Variants in NDFIP2 observed in about 807,000 individuals in gnomAD.
NDFIP2 encodes Nedd4 family interacting protein 2.
A neutral mutation model predicts 36.0 loss-of-function variants in NDFIP2; 19 were observed. The ratio of observed to expected loss-of-function variants is 0.53; its 90% CI spans 0.37 to 0.77. NDFIP2 has a LOEUF of 0.77. Ranked by LOEUF, NDFIP2 falls within the 30% of genes least tolerant of loss-of-function variation. The pLI is 0.00. For synonymous variants in NDFIP2, 181 were observed against 167.7 expected (o/e 1.08, Z -0.61); for missense variants, 446 against 435.8 (o/e 1.02, Z -0.21).
chr13:79,490,219 ACTGGTGAGCTGAGGTGTCAGGCCC>A, intron 1 of NDFIP2, among the ~76,000 whole-genome samples: 3 of 152,298 alleles, frequency 2.0e-5, no homozygotes, highest in Admixed American at 2.0e-4. Context: ...GAGGCAGACC[ACTGGTGAGCTGAGGTGTCAGGCCC>A]CTGGCACATG....
At chr13:79,513,867 AAG>A (rs1401291972) in intron 1 of NDFIP2, among the ~76,000 whole-genome samples, 2 of 152,176 alleles carry the variant, frequency 1.3e-5, no homozygotes, top group East Asian at 1.9e-4. Flanking sequence ...TAGAATTTTG[AAG>A]AGAGTATGTT....
rs10558361 is a variant in NDFIP2, at chr13:79,482,169, C to CTTTTTTTTTTTTTTTT, written c.321+656_321+671dup. On this transcript the variant is annotated intron_variant, in intron 1 of 7. Transcript: ENST00000218652. ...CCACTTTTTCTTTCTTTCTTTCTTT[C>CTTTTTTTTTTTTTTTT]TTTTTTTTTTTTTTTTTTTTTTTTT... Among the ~76,000 whole-genome samples the CTTTTTTTTTTTTTTTT allele has an allele frequency of 8.2e-4, 62 of 75,894 alleles. 1 individual carries two copies. The highest frequency in any genetic ancestry group is 1.2e-3 in the Non-Finnish European group (49 of 40,408). The allele number at this position is 75,894 out of a possible 152,430, so 49.8% of individuals were successfully genotyped here.
At chr13:79,549,943 T>G (rs1211841728) in intron 6 of NDFIP2, among the ~76,000 whole-genome samples, 2 of 151,864 alleles carry the variant, frequency 1.3e-5, no homozygotes, top group South Asian at 2.1e-4. Context: ...CTGTCTTTCC[T>G]CTCCAATTTA....
At chr13:79,548,219 T>C in intron 5 of NDFIP2, 109 bp from the exon 6 acceptor site, 1 of 826,968 alleles carries the variant, frequency 1.2e-6, no homozygotes, top group Non-Finnish European at 2.0e-6. Flanking sequence ...TGTGCCATTT[T>C]TAAGTGTTAA....
Position 79,543,726 on chromosome 13 carries a change from G to A in NDFIP2, c.840+44G>A, listed in dbSNP as rs1875549703. 5 of 1,595,198 alleles carry A rather than the reference G, an allele frequency of 3.1e-6. No homozygotes were observed. The East Asian group carries it at 1.1e-4, about 36-fold the overall frequency. On this transcript the variant is annotated intron_variant, in intron 5 of 7. Transcript: ENST00000218652. The stretch of plus-strand genomic sequence containing the variant: ...TGTATCTCTTTTATCTCTAAAATGA[G>A]ATGTATGAAATTTTCTGTGTGGTTC...
intron 2 of NDFIP2, among the ~76,000 whole-genome samples, chr13:79,526,828 T>C (rs1013115589): frequency 2.0e-5 from 3 of 152,216 alleles, no homozygotes; most frequent in African/African-American, 7.2e-5. Flanking sequence ...CTTAGGTATA[T>C]AGCTCATCTG....
chr13:79,491,696 G>A (rs1161835918), intron 1 of NDFIP2, among the ~76,000 whole-genome samples: 1 of 152,178 alleles, frequency 6.6e-6, no homozygotes, highest in African/African-American at 2.4e-5. Context: ...GGCCTGACTT[G>A]AGTTTAATTA....
At chr13:79,518,398 G>A (rs1179922477) in intron 1 of NDFIP2, among the ~76,000 whole-genome samples, 1 of 152,192 alleles carries the variant, frequency 6.6e-6, no homozygotes, top group East Asian at 1.9e-4. Flanking sequence ...TGACAGTTTT[G>A]TTAAGTTATA....
intron 1 of NDFIP2, among the ~76,000 whole-genome samples, chr13:79,509,927 A>C (rs2140753903): frequency 6.6e-6 from 1 of 152,298 alleles, no homozygotes; most frequent in Non-Finnish European, 1.5e-5. Flanking sequence ...CTGCGCTGGC[A>C]GTTGATTAGA....
At chr13:79,524,057 G>A (rs56711390) in intron 2 of NDFIP2, among the ~76,000 whole-genome samples, 10,174 of 152,172 alleles carry the variant, frequency 0.067, 717 homozygotes, top group African/African-American at 0.17. Flanking sequence ...TTTAATGTCC[G>A]TGCCATTTGA....
chr13:79,512,688 T>C (rs1874124399), intron 1 of NDFIP2, among the ~76,000 whole-genome samples: 2 of 152,196 alleles, frequency 1.3e-5, no homozygotes, highest in East Asian at 1.9e-4. Context: ...ACCCTTTTTT[T>C]TGGTCACATC....
chr13:79,532,485 ATTAC>A (rs1214404531), intron 2 of NDFIP2, among the ~76,000 whole-genome samples: 10 of 152,148 alleles, frequency 6.6e-5, no homozygotes, highest in African/African-American at 2.4e-4. Context: ...ACTTTACTTT[ATTAC>A]TTATGTTGTA....
At chr13:79,518,007 A>T (rs763399543) in intron 1 of NDFIP2, among the ~76,000 whole-genome samples, 1 of 142,908 alleles carries the variant, frequency 7.0e-6, no homozygotes, top group Non-Finnish European at 1.5e-5. Context: ...TGTTTAGGTG[A>T]TATTAACAAG....
chr13:79,487,730 C>T (rs1307988545), intron 1 of NDFIP2, among the ~76,000 whole-genome samples: 5 of 152,070 alleles, frequency 3.3e-5, no homozygotes, highest in Non-Finnish European at 7.4e-5. Flanking sequence ...TTAATTTTAA[C>T]CATTCTGGGT....
chr13:79,501,948 A>T (rs1873683969), intron 1 of NDFIP2, among the ~76,000 whole-genome samples: 1 of 152,080 alleles, frequency 6.6e-6, no homozygotes, highest in Non-Finnish European at 1.5e-5. Flanking sequence ...CTGAAGTCAT[A>T]CTTACTATGG....
intron 1 of NDFIP2, 130 bp downstream of exon 1, chr13:79,481,654 G>T: frequency 2.5e-6 from 3 of 1,181,198 alleles, no homozygotes; most frequent in Admixed American, 5.7e-5. Flanking sequence ...TGTTTTTTTG[G>T]ATCTTCTGGC....
At chr13:79,505,258 T>C (rs1201376279) in intron 1 of NDFIP2, among the ~76,000 whole-genome samples, 1 of 152,128 alleles carries the variant, frequency 6.6e-6, no homozygotes, top group Non-Finnish European at 1.5e-5. Flanking sequence ...ATTAGCCGGA[T>C]TGTTGAATAA....
In NDFIP2 at chr13:79,481,489, G is replaced by C; in HGVS notation, c.286G>C (p.Asp96His). The change falls in exon 1 of 8, where the codon GAT becomes CAT. Residue 96 changes from aspartate (D) to histidine (H), a missense_variant. Physicochemically the swap from Asp to His is moderately conservative, Grantham distance 81. Around this residue, in one of 2 missense-constraint regions of NDFIP2, gnomAD observed 369 missense variants for 304.8 expected, o/e 1.21. Coordinates refer to ENST00000218652, the MANE Select transcript of NDFIP2 (RefSeq NM_019080.3). ...GCCGGATCCCGAGCCGGGCAGGATG[G>C]ATCACCACCAGCCGGGGACTGGGCG... ...RKPDPEPGRM[D>H]HHQPGTGRYQ... 1 of 1,559,636 alleles carries C rather than the reference G, an allele frequency of 6.4e-7. No individual in the cohort carries two copies. Among genetic ancestry groups the C allele is most frequent in the African/African-American group, 1.4e-5 (1 of 73,590 alleles).
intron 1 of NDFIP2, among the ~76,000 whole-genome samples, chr13:79,497,814 G>GTA (rs1873503315): frequency 6.6e-6 from 1 of 151,088 alleles, no homozygotes; most frequent in Non-Finnish European, 1.5e-5. Flanking sequence ...GTGTGTGTGT[G>GTA]TGTGTGTGTG....
Sources: allele counts gnomAD v4.1 joint callset (sites outside exome capture counted in the v4.1 genomes callset), GRCh38; gene constraint gnomAD v4.1.1; regional missense constraint gnomAD v4.1.1; transcripts MANE v1.5; gene names NCBI Gene and HGNC (gene_info 2026-07-23, HGNC 2026-07-21).